The following IQANK1 variants were observed in gnomAD, a reference collection of about 807,000 sequenced individuals.
IQANK1 encodes the protein IQ motif and ankyrin repeat containing 1, also known as IQ motif and ankyrin repeat domain-containing protein 1.
In IQANK1, 30 loss-of-function variants were observed where a neutral mutation model predicts 22.6. The ratio of observed to expected loss-of-function variants is 1.33; its 90% CI spans 0.99 to 1.80. IQANK1 has a LOEUF of 1.80. Among genes scored for constraint, IQANK1 ranks in the 40% most tolerant of loss-of-function variants. The probability of loss-of-function intolerance (pLI) is 0.00; values close to 1 mark genes in which losing one functional copy is unlikely to be tolerated. For synonymous variants in IQANK1, 122 were observed against 99.6 expected (o/e 1.23, Z -1.34); for missense variants, 275 against 235.2 (o/e 1.17, Z -1.11).
At chr8:143,787,559 C>T (rs537191255) in intron 7 of IQANK1, among the ~76,000 whole-genome samples, 53 of 152,338 alleles carry the variant, frequency 3.5e-4, no homozygotes, top group Admixed American at 8.5e-4. Context: ...CCCTCCCTCC[C>T]GTGCATCTGT....
chr8:143,788,157 G>C (rs1214627336), intron 7 of IQANK1, among the ~76,000 whole-genome samples: 3 of 152,236 alleles, frequency 2.0e-5, no homozygotes, highest in African/African-American at 4.8e-5. Context: ...CTGCTTCCCA[G>C]AGCAGGAAGG....
intron 2 of IQANK1, among the ~76,000 whole-genome samples, chr8:143,736,965 C>T (rs147879315): frequency 3.3e-5 from 5 of 152,190 alleles, no homozygotes; most frequent in Admixed American, 2.0e-4. Context: ...CCAGACTGCC[C>T]CTCTGCTTAG....
rs1818862043 is a variant in IQANK1, at chr8:143,740,061, C to T, written c.175+113C>T. The T allele has an allele frequency of 1.1e-5, 6 of 557,006 alleles. No individual in the cohort carries two copies. In the Admixed American group the frequency reaches 1.3e-4, roughly 12 times the overall value. The allele number at this position is 557,006 out of a possible 1,614,324, so 34.5% of individuals were successfully genotyped here. A position where few individuals can be genotyped will look rare whatever the true frequency, so the allele number is the denominator to read the frequency against. ...GGCGCGCGCTTGCGTGTCATGTACACATGTGCTTGTGCGCGCACGTGTGGG... is the reference window on the plus strand; with the variant it reads ...GGCGCGCGCTTGCGTGTCATGTACATATGTGCTTGTGCGCGCACGTGTGGG... On this transcript the variant is annotated intron_variant, in intron 3 of 13. Transcript: ENST00000527139.
intron 3 of IQANK1, among the ~76,000 whole-genome samples, chr8:143,749,390 T>C (rs1218623061): frequency 7.6e-6 from 1 of 131,684 alleles, no homozygotes; most frequent in African/African-American, 3.0e-5. Flanking sequence ...TATGTGAATA[T>C]ATAATTATAT....
rs553449489 is a variant in IQANK1 at position 143,758,975 on chromosome 8, G to A, written c.176-12513G>A. On this transcript the variant is annotated intron_variant, in intron 3 of 13. Transcript: ENST00000527139. The surrounding 1 kb of genome is among the most constrained non-coding windows in gnomAD (Gnocchi z 4.2). Reference sequence around the variant, plus strand: ...AAGCTGGAGAGCATCCGCTGCACCCGCCATGCCGGGAAGAGCTCGGGTGGG... The same window carrying A: ...AAGCTGGAGAGCATCCGCTGCACCCACCATGCCGGGAAGAGCTCGGGTGGG... 12 of 180,212 alleles carry A rather than the reference G, an allele frequency of 6.7e-5. No individual in the cohort carries two copies. In the East Asian group the frequency reaches 1.6e-3, roughly 25 times the overall value. 11.2% of individuals were successfully genotyped at this position (180,212 alleles called of 1,614,324 possible).
rs970221027 is a variant in IQANK1, at chr8:143,787,488, G to T, written c.790-1427G>T. On this transcript the variant is annotated intron_variant, in intron 7 of 13. Coordinates refer to ENST00000527139, the MANE Select transcript of IQANK1 (RefSeq NM_001381874.1). ...CTTAAGTCAGCACCGACTCAGCCAG[G>T]ATGGCAGTTACCCAAGGCCACGCCG... Among the ~76,000 whole-genome samples the T allele has an allele frequency of 4.6e-5, 7 of 152,040 alleles. 1 individual carries two copies. The East Asian group carries it at 1.4e-3, about 29-fold the overall frequency.
chr8:143,786,977 C>T (rs1439202560), intron 7 of IQANK1, among the ~76,000 whole-genome samples: 2 of 152,242 alleles, frequency 1.3e-5, no homozygotes, highest in East Asian at 1.9e-4. Flanking sequence ...GGCGGTAGCA[C>T]GCAGTGAGCT....
intron 3 of IQANK1, 89 bp downstream of exon 3, chr8:143,740,037 G>T: frequency 1.7e-6 from 1 of 605,498 alleles, no homozygotes; most frequent in South Asian, 1.9e-5. Flanking sequence ...CTCAGTGTGG[G>T]CGCGCGCTTG....
intron 3 of IQANK1, among the ~76,000 whole-genome samples, chr8:143,762,091 A>G (rs1314659752): frequency 2.0e-5 from 3 of 152,186 alleles, no homozygotes; most frequent in East Asian, 3.8e-4. Flanking sequence ...AAATGTATCA[A>G]TATACCAGAA....
intron 2 of IQANK1, among the ~76,000 whole-genome samples, chr8:143,739,133 G>A (rs1554626096): frequency 6.6e-6 from 1 of 152,218 alleles, no homozygotes; most frequent in Non-Finnish European, 1.5e-5. Flanking sequence ...GCACTGCACT[G>A]CAACAAGGGC....
Position 143,788,993 on chromosome 8 carries a change from G to A in IQANK1, c.868G>A (p.Glu290Lys). 1 of 399,848 alleles carries A rather than the reference G, an allele frequency of 2.5e-6. No individual in the cohort carries two copies. The highest frequency in any genetic ancestry group is 4.4e-6 in the Non-Finnish European group (1 of 226,664). 24.8% of individuals were successfully genotyped at this position (399,848 alleles called of 1,614,324 possible). ...SLTEAMLQNM[E>K]AEQQRRAQEA... ...CACGGAGGCCATGCTCCAGAACATG[G>A]AGGCTGAGCAGCAGCGCCGGGCCCA... The change falls in exon 8 of 14, where the codon GAG (glutamate) becomes AAG (lysine). Residue 290 changes from glutamate (E) to lysine (K), a missense_variant. Coordinates refer to ENST00000527139, the MANE Select transcript of IQANK1 (RefSeq NM_001381874.1).
chr8:143,759,127 AC>A, intron 3 of IQANK1: 1 of 310,964 alleles, frequency 3.2e-6, no homozygotes, highest in Non-Finnish European at 6.3e-6. Context: ...GTTCTGGAAC[AC>A]CACGATGCTC....
chr8:143,750,946 G>T (rs1430277863), intron 3 of IQANK1, among the ~76,000 whole-genome samples: 6 of 143,896 alleles, frequency 4.2e-5, no homozygotes, highest in African/African-American at 1.3e-4. Flanking sequence ...GTCTTCTTTT[G>T]TGTGTGTGTG....
chr8:143,735,998 C>G lies in IQANK1; in HGVS notation c.85+60C>G. 1 of 697,254 alleles carries G rather than the reference C, an allele frequency of 1.4e-6. No individual in the cohort carries two copies. Among genetic ancestry groups the G allele is most frequent in the Non-Finnish European group, 2.6e-6 (1 of 381,760 alleles). The allele number at this position is 697,254 out of a possible 1,614,324, so 43.2% of individuals were successfully genotyped here. On this transcript the variant is annotated intron_variant, in intron 2 of 13. Transcript: ENST00000527139. The surrounding 1 kb of genome is among the most constrained non-coding windows in gnomAD (Gnocchi z 5.2). Reference sequence around the variant, plus strand: ...CCCAGACACTGACCTGTGAGACCTTCTATGTAGCCACCGAGAGACACCCCC... The same window carrying G: ...CCCAGACACTGACCTGTGAGACCTTGTATGTAGCCACCGAGAGACACCCCC...
At chr8:143,780,503 A>G (rs1554630839) in intron 7 of IQANK1, among the ~76,000 whole-genome samples, 2 of 151,910 alleles carry the variant, frequency 1.3e-5, no homozygotes, top group Non-Finnish European at 2.9e-5. Context: ...AGATCCTAGT[A>G]TCTGTTGTTT....
In IQANK1 at chr8:143,771,880, G is replaced by T. The variant is rs1472188301; in HGVS notation, c.386G>T (p.Arg129Leu). 9 of 393,952 alleles carry T rather than the reference G, an allele frequency of 2.3e-5. No individual in the cohort carries two copies. In the East Asian group the frequency reaches 3.2e-4, roughly 14 times the overall value. 24.4% of individuals were successfully genotyped at this position (393,952 alleles called of 1,614,324 possible). Reference protein sequence around the residue: ...REQEEAAQRERREELQRRRRL... With the variant: ...REQEEAAQRELREELQRRRRL... ...CAGGAGGAGGCGGCGCAGCGGGAGC[G>T]GCGGGAGGAGCTGCAGCGTCGCCGC... Residue 129 changes from arginine (R) to leucine (L), a missense_variant, in exon 5 of 14, where the codon CGG (arginine) becomes CTG (leucine). Transcript: ENST00000527139. The surrounding 1 kb of genome is among the most constrained non-coding windows in gnomAD (Gnocchi z 6.0).
rs1308015090 is a variant in IQANK1 at position 143,774,610 on chromosome 8, G to A, written c.789+2128G>A. 2.0e-5 allele frequency among the ~76,000 whole-genome samples: 3 copies of A among 152,138 alleles called. No homozygotes were observed. The highest frequency in any genetic ancestry group is 4.4e-5 in the Non-Finnish European group (3 of 68,024). The stretch of plus-strand genomic sequence containing the variant: ...AAATAGGCAGGCGGTTTCTTAAAAA[G>A]TGAACACATTTACCATGTAACACAG... On this transcript the variant is annotated intron_variant, in intron 7 of 13. Transcript: ENST00000527139. This position sits in a 1 kb window ranked among gnomAD's most constrained non-coding sequence, Gnocchi z 4.2.
intron 7 of IQANK1, among the ~76,000 whole-genome samples, chr8:143,781,944 C>A (rs1270648963): frequency 6.6e-6 from 1 of 152,164 alleles, no homozygotes; most frequent in Non-Finnish European, 1.5e-5. Flanking sequence ...TCTTCCTATC[C>A]GTGAGCATGG....
At chr8:143,742,083 C>T (rs1425004162) in intron 3 of IQANK1, 2 of 333,126 alleles carry the variant, frequency 6.0e-6, no homozygotes, top group South Asian at 2.4e-5. Context: ...TCTCTAGGAG[C>T]GTCCCCACAG....
Sources: gnomAD v4.1 joint callset for allele counts (sites outside exome capture counted in the v4.1 genomes callset) on GRCh38, gnomAD v4.1.1 for gene constraint, Gnocchi (gnomAD v3.1) non-coding constraint, MANE v1.5 for transcripts, NCBI Gene and HGNC (gene_info 2026-07-23, HGNC 2026-07-21) for gene names.